SLC60A1: variants seen among roughly 807,000 people sequenced by gnomAD.
SLC60A1 encodes the protein major facilitator superfamily domain containing 4.
the SLC60A1 span, among the ~76,000 whole-genome samples, chr1:205,575,636 C>T: frequency 6.6e-6 from 1 of 152,110 alleles, no homozygotes; most frequent in Non-Finnish European, 1.5e-5. Context: ...GCAGCAGCAG[C>T]TCAAGGTCAC....
At chr1:205,595,832 A>G in the SLC60A1 span, among the ~76,000 whole-genome samples, 3 of 152,392 alleles carry the variant, frequency 2.0e-5, no homozygotes, top group African/African-American at 7.2e-5. Context: ...TGGTTAGCAT[A>G]GAACCCAGTG....
chr1:205,577,227 A>G, the SLC60A1 span, among the ~76,000 whole-genome samples: 1 of 151,962 alleles, frequency 6.6e-6, no homozygotes, highest in African/African-American at 2.4e-5. This position sits in a 1 kb window ranked among gnomAD's most constrained non-coding sequence, Gnocchi z 5.2. Flanking sequence ...CTCTGCCTCT[A>G]TCTCTGTCTC....
At chr1:205,599,425 C>T in the SLC60A1 span, among the ~76,000 whole-genome samples, 1 of 152,174 alleles carries the variant, frequency 6.6e-6, no homozygotes, top group African/African-American at 2.4e-5. Flanking sequence ...TCCTGCTTTC[C>T]ATACGATTGT....
chr1:205,583,934 G>C, the SLC60A1 span: 6 of 1,608,832 alleles, frequency 3.7e-6, no homozygotes, highest in Non-Finnish European at 5.1e-6. Context: ...GGGCTCTCCT[G>C]ACCCTCTGCC....
At chr1:205,572,383 C>G in the SLC60A1 span, among the ~76,000 whole-genome samples, 1 of 152,122 alleles carries the variant, frequency 6.6e-6, no homozygotes, top group East Asian at 1.9e-4. Context: ...TGGCCTCTCC[C>G]CTGCCCATGC....
At chr1:205,576,132 C>T in the SLC60A1 span, among the ~76,000 whole-genome samples, 2 of 152,180 alleles carry the variant, frequency 1.3e-5, no homozygotes, top group African/African-American at 2.4e-5. Flanking sequence ...AGGGGTATCT[C>T]CCTCCAACAG....
chr1:205,588,340 C>G, the SLC60A1 span, among the ~76,000 whole-genome samples: 1 of 151,864 alleles, frequency 6.6e-6, no homozygotes, highest in African/African-American at 2.4e-5. Flanking sequence ...CGTGGTGGCG[C>G]CTGCCTGTAA....
chr1:205,580,558 G>T, the SLC60A1 span: 1 of 1,429,404 alleles, frequency 7.0e-7, no homozygotes, highest in South Asian at 1.3e-5. The surrounding 1 kb of genome is among the most constrained non-coding windows in gnomAD (Gnocchi z 5.0). Context: ...GGGGCTGGGG[G>T]AGGGGGCTCA....
chr1:205,598,162 G>C, the SLC60A1 span: 3 of 289,704 alleles, frequency 1.0e-5, no homozygotes, highest in Non-Finnish European at 2.0e-5. Context: ...CCTGAGATGG[G>C]TTGGAACTGC....
the SLC60A1 span, among the ~76,000 whole-genome samples, chr1:205,595,655 C>G: frequency 2.6e-5 from 4 of 152,218 alleles, no homozygotes; most frequent in South Asian, 8.3e-4. Context: ...CTTCCTTCCC[C>G]TCTCTGAGCC....
chr1:205,600,623 T>C, the SLC60A1 span: 1,770 of 631,730 alleles, frequency 2.8e-3, 8 homozygotes, highest in Non-Finnish European at 3.0e-3. Context: ...TGAGTCCTGG[T>C]ACCTGGTCAA....
chr1:205,597,402 G>A, the SLC60A1 span, among the ~76,000 whole-genome samples: 2 of 46,342 alleles, frequency 4.3e-5, no homozygotes, highest in Non-Finnish European at 8.7e-5. Context: ...TTTTTTTTTC[G>A]TTTTTTGACA....
At chr1:205,599,543 C>T in the SLC60A1 span, among the ~76,000 whole-genome samples, 1 of 152,178 alleles carries the variant, frequency 6.6e-6, no homozygotes, top group Admixed American at 6.5e-5. Context: ...CCCACCATGT[C>T]ATGGGACCAT....
chr1:205,586,067 G>T, the SLC60A1 span: 1 of 1,611,738 alleles, frequency 6.2e-7, no homozygotes, highest in Non-Finnish European at 8.5e-7. Flanking sequence ...CAGCTATGCT[G>T]TGGAGAAGCC....
At chr1:205,602,473 AG>A in the SLC60A1 span, 3 of 152,792 alleles carry the variant, frequency 2.0e-5, no homozygotes, top group Non-Finnish European at 4.4e-5. Context: ...TTCTGAAAAA[AG>A]TAAGTGAATT....
the SLC60A1 span, chr1:205,598,016 C>G: frequency 9.2e-6 from 6 of 655,058 alleles, no homozygotes; most frequent in African/African-American, 1.8e-5. Context: ...GTTTCCAAGC[C>G]AGCCCTGAGA....
At chr1:205,572,856 G>A in the SLC60A1 span, among the ~76,000 whole-genome samples, 7 of 152,236 alleles carry the variant, frequency 4.6e-5, no homozygotes, top group African/African-American at 9.6e-5. Flanking sequence ...AATTGAAAAT[G>A]TATGTCCACA....
At chr1:205,581,040 C>T in the SLC60A1 span, 2 of 1,334,488 alleles carry the variant, frequency 1.5e-6, no homozygotes, top group South Asian at 1.4e-5. The surrounding 1 kb of genome is among the most constrained non-coding windows in gnomAD (Gnocchi z 4.2). Flanking sequence ...CTGAGGTGTG[C>T]ATCCCAGAGG....
chr1:205,579,702 A>G, the SLC60A1 span: 4 of 1,596,442 alleles, frequency 2.5e-6, no homozygotes, highest in South Asian at 2.2e-5. Context: ...GAGAAGGGGG[A>G]GGGGATGCTT....
Sources: allele counts gnomAD v4.1 joint callset (sites outside exome capture counted in the v4.1 genomes callset), GRCh38; gene constraint gnomAD v4.1.1; non-coding constraint Gnocchi (gnomAD v3.1); transcripts MANE v1.5; gene names NCBI Gene and HGNC (gene_info 2026-07-23, HGNC 2026-07-21).